COPA: variants seen among roughly 807,000 people sequenced by gnomAD.
The protein encoded by COPA is coatomer subunit alpha.
A neutral mutation model predicts 158.7 loss-of-function variants in COPA; 10 were observed. The ratio of observed to expected loss-of-function variants is 0.06; its 90% CI spans 0.04 to 0.11. The LOEUF is 0.11. Among genes scored for constraint, COPA ranks in the 10% least tolerant of loss-of-function variants. The pLI is 1.00. For synonymous variants in COPA, 462 were observed against 542.8 expected, an observed-to-expected ratio of 0.85 and a Z score of 2.07; for missense variants, 1,065 against 1,536.7, an observed-to-expected ratio of 0.69 and a Z score of 5.13.
At chr1:160,318,946 A>C (rs1008526431) in intron 8 of COPA, among the ~76,000 whole-genome samples, 1 of 152,040 alleles carries the variant, frequency 6.6e-6, no homozygotes, top group African/African-American at 2.4e-5. Context: ...CCACAAAAGA[A>C]GACAGTAAGA....
chr1:160,290,306 G>A (rs1423822926), intron 32 of COPA, 90 bp from the exon 33 acceptor site: 3 of 1,468,970 alleles, frequency 2.0e-6, no homozygotes, highest in Non-Finnish European at 1.9e-6. Flanking sequence ...AATGGGCACA[G>A]TAGACAGGTA....
chr1:160,301,858 A>G (rs939188361), intron 17 of COPA, among the ~76,000 whole-genome samples: 5 of 150,162 alleles, frequency 3.3e-5, no homozygotes, highest in Non-Finnish European at 7.4e-5. Context: ...TACCAAGGTA[A>G]AAAAAAAAAC....
At chr1:160,321,740 A>G (rs2101858001) in intron 8 of COPA, among the ~76,000 whole-genome samples, 1 of 152,324 alleles carries the variant, frequency 6.6e-6, no homozygotes, top group East Asian at 1.9e-4. Context: ...GTAAGCCAAG[A>G]TCGAGCCACT....
intron 6 of COPA, among the ~76,000 whole-genome samples, chr1:160,330,216 T>C (rs1302124937): frequency 6.6e-6 from 1 of 151,802 alleles, no homozygotes; most frequent in African/African-American, 2.4e-5. Flanking sequence ...GAGAGAGTGC[T>C]TTGAATGTGT....
Position 160,333,605 on chromosome 1 carries a change from A to G in COPA, c.384T>C (p.Val128=). Residue 128 remains valine, a splice_region_variant and synonymous_variant, in exon 5 of 33, where the codon GTT becomes GTC. Transcript: ENST00000241704. ...GAGCCCTCTGCCTCCTGCTTTACCA[A>G]ACACAGGTTCTAGATTGCCAGTTCC... ...RVWNWQSRTC[V]CVLTGHNHYV... 1 of 1,611,648 alleles carries G rather than the reference A, an allele frequency of 6.2e-7. No individual in the cohort carries two copies. Among genetic ancestry groups the G allele is most frequent in the Non-Finnish European group, 8.5e-7 (1 of 1,178,284 alleles).
chr1:160,296,072 C>G lies in COPA; in HGVS notation c.2341G>C (p.Glu781Gln). Residue 781 changes from glutamate (E) to glutamine (Q), a missense_variant, in exon 22 of 33, where the codon GAG (glutamate) becomes CAG (glutamine). Physicochemically the swap from Glu to Gln is conservative, Grantham distance 29. This residue lies in a region of COPA where 980 missense variants were observed against 1,357.8 expected (regional missense o/e 0.72). Transcript: ENST00000241704. ...AESLKETFDP[E>Q]KETIPDIDPN... ...AAATAAAGACTCACTGTCTCCTTCTCTGGGTCAAATGTCTCCTTTAGGCTC... is the reference window on the plus strand; with the variant it reads ...AAATAAAGACTCACTGTCTCCTTCTGTGGGTCAAATGTCTCCTTTAGGCTC... 6.2e-7 allele frequency: 1 copy of G among 1,614,054 alleles called. No homozygotes were observed.
chr1:160,336,098 C>CTT (rs1647747617), intron 3 of COPA, among the ~76,000 whole-genome samples: 1 of 148,902 alleles, frequency 6.7e-6, no homozygotes, highest in Non-Finnish European at 1.5e-5. Context: ...GTAATCCCAG[C>CTT]ACTTTGGGAG....
chr1:160,309,208 G>T, intron 12 of COPA, 32 bp from the exon 13 acceptor site: 1 of 1,533,456 alleles, frequency 6.5e-7, no homozygotes, highest in Non-Finnish European at 9.0e-7. Context: ...TAAAATGTTA[G>T]TGAGAAGCAC....
At position 160,295,758 on chromosome 1, in the gene COPA, A is replaced by C. The variant is rs1173506852; in HGVS notation, c.2454T>G (p.Phe818Leu). Reference protein sequence around the residue: ...WPLLTVSKGFFEGTIASKGKG... With the variant: ...WPLLTVSKGFLEGTIASKGKG... ...TACCTTTGCTGGCAATGGTGCCTTC[A>C]AAAAATCCTTTGGATACAGTCAATA... Residue 818 changes from phenylalanine to leucine, a missense_variant, in exon 23 of 33, where the codon TTT (phenylalanine) becomes TTG (leucine). Physicochemically the swap from Phe to Leu is conservative, Grantham distance 22 (BLOSUM62 0). Coordinates refer to ENST00000241704, the MANE Select transcript of COPA (RefSeq NM_004371.4). 1 of 1,606,440 alleles carries C rather than the reference A, an allele frequency of 6.2e-7. No individual in the cohort carries two copies. The highest frequency in any genetic ancestry group is 1.3e-5 in the African/African-American group (1 of 74,454).
chr1:160,319,193 T>TG (rs1178002665), intron 8 of COPA, among the ~76,000 whole-genome samples: 1 of 152,048 alleles, frequency 6.6e-6, no homozygotes, highest in Non-Finnish European at 1.5e-5. Flanking sequence ...GAGTGGGAGA[T>TG]ATTCCATGAA....
At chr1:160,330,187 G>C (rs1647440473) in intron 6 of COPA, among the ~76,000 whole-genome samples, 1 of 152,014 alleles carries the variant, frequency 6.6e-6, no homozygotes, top group Non-Finnish European at 1.5e-5. Context: ...AGCCCATCAG[G>C]CTCCTATATC....
At chr1:160,314,301 G>A (rs928654234) in intron 8 of COPA, among the ~76,000 whole-genome samples, 176 bp from the exon 9 acceptor site, 1 of 152,004 alleles carries the variant, frequency 6.6e-6, no homozygotes, top group South Asian at 2.1e-4. Context: ...ACATGTCTTG[G>A]TTCTTTCATT....
intron 8 of COPA, among the ~76,000 whole-genome samples, chr1:160,314,708 T>C (rs1425762857): frequency 6.6e-6 from 1 of 152,234 alleles, no homozygotes; most frequent in East Asian, 1.9e-4. Context: ...CTGTCCTAGT[T>C]GGCCTTTCAA....
intron 31 of COPA, 85 bp from the exon 32 acceptor site, chr1:160,290,771 G>A (rs950343585): frequency 7.9e-6 from 10 of 1,269,028 alleles, no homozygotes; most frequent in Non-Finnish European, 1.0e-5. Flanking sequence ...TGGTAGTTCC[G>A]TTGATGTGAG....
chr1:160,297,373 G>C lies in COPA; in HGVS notation c.2233C>G (p.Arg745Gly), dbSNP rs763748181. 1 of 1,613,944 alleles carries C rather than the reference G, an allele frequency of 6.2e-7. No homozygotes were observed. The highest frequency in any genetic ancestry group is 1.1e-5 in the South Asian group (1 of 91,082). Residue 745 changes from arginine to glycine, a missense_variant, in exon 21 of 33, where the codon CGT becomes GGT. By Grantham distance (125) the Arg-to-Gly change is moderately radical (BLOSUM62 -2). Around this residue, in one of 2 missense-constraint regions of COPA, gnomAD observed 980 missense variants for 1,357.8 expected, o/e 0.72. Transcript: ENST00000241704. ...NALYLGDVSERVRILKNCGQK... is the reference protein window; with the variant it reads ...NALYLGDVSEGVRILKNCGQK... ...CCACAGTTCTTCAGGATCCGCACAC[G>C]CTCTGACACATCACCCAGGTATAGG...
At chr1:160,313,030 C>T (rs994976317) in intron 10 of COPA, 55 bp downstream of exon 10, 42 of 1,496,188 alleles carry the variant, frequency 2.8e-5, no homozygotes, top group Non-Finnish European at 3.8e-5. Context: ...TAATCACTTT[C>T]AAGACTTATA....
chr1:160,313,909 G>A lies in COPA; in HGVS notation c.842+81C>T, dbSNP rs1658398694. 3.1e-6 allele frequency: 4 copies of A among 1,289,060 alleles called. No homozygotes were observed. The South Asian group carries it at 7.6e-5, about 24-fold the overall frequency. The allele number at this position is 1,289,060 out of a possible 1,614,324, so 79.9% of individuals were successfully genotyped here. On this transcript the variant is annotated intron_variant, in intron 9 of 32. Coordinates refer to ENST00000241704, the MANE Select transcript of COPA (RefSeq NM_004371.4). Reference sequence around the variant, plus strand: ...GATTTGTCTACATGCTGAAGATGATGAGAGACATAAAGAAGTATTCCAATC... The same window carrying A: ...GATTTGTCTACATGCTGAAGATGATAAGAGACATAAAGAAGTATTCCAATC...
intron 4 of COPA, 50 bp downstream of exon 4, chr1:160,335,192 T>C (rs769540781): frequency 4.7e-6 from 7 of 1,504,126 alleles, no homozygotes; most frequent in Middle Eastern, 1.7e-4. Context: ...TAAAGATTAC[T>C]ATGGGGAAAC....
intron 12 of COPA, 63 bp from the exon 13 acceptor site, chr1:160,309,239 T>A (rs561478382): frequency 7.9e-7 from 1 of 1,263,970 alleles, no homozygotes; most frequent in East Asian, 2.3e-5. Flanking sequence ...AGTTTTCCAA[T>A]TTACTCTGAC....
Sources: allele counts gnomAD v4.1 joint callset (sites outside exome capture counted in the v4.1 genomes callset), GRCh38; gene constraint gnomAD v4.1.1; regional missense constraint gnomAD v4.1.1; transcripts MANE v1.5; gene names NCBI Gene and HGNC (gene_info 2026-07-23, HGNC 2026-07-21).